The following SEL1L3 variants were observed in gnomAD, a reference collection of about 807,000 sequenced individuals.
The protein encoded by SEL1L3 is protein sel-1 homolog 3.
In SEL1L3, 76 loss-of-function variants were observed where a neutral mutation model predicts 142.8. That is an observed-to-expected ratio of 0.53 (90% CI 0.44 to 0.64). The LOEUF is 0.64. SEL1L3 is among the 30% of genes least tolerant of loss of function. The pLI is 0.00. For missense variants in SEL1L3, 1,262 were observed against 1,381.7 expected, an observed-to-expected ratio of 0.91 and a Z score of 1.37; for synonymous variants, 504 against 519.6, an observed-to-expected ratio of 0.97 and a Z score of 0.41.
At chr4:25,756,862 T>C in intron 23 of SEL1L3, 1 of 1,282,638 alleles carries the variant, frequency 7.8e-7, no homozygotes, top group Non-Finnish European at 1.0e-6. Flanking sequence ...GACTTCATGC[T>C]GCCAGGAGCT....
intron 9 of SEL1L3, 73 bp downstream of exon 9, chr4:25,818,065 A>G: frequency 1.4e-6 from 2 of 1,469,922 alleles, no homozygotes; most frequent in Non-Finnish European, 1.8e-6. Flanking sequence ...ATCACCAAAG[A>G]GGGTGAGTGA....
chr4:25,802,754 T>A (rs1055759039), intron 10 of SEL1L3, among the ~76,000 whole-genome samples: 2 of 152,116 alleles, frequency 1.3e-5, no homozygotes, highest in African/African-American at 4.8e-5. Context: ...GCTAATTTTT[T>A]ATGTTTTTAG....
chr4:25,828,158 C>T (rs1008759998), intron 6 of SEL1L3, among the ~76,000 whole-genome samples: 2 of 152,218 alleles, frequency 1.3e-5, no homozygotes, highest in African/African-American at 4.8e-5. Context: ...GCCACCCGCA[C>T]CCTCTCTTTG....
Position 25,765,352 on chromosome 4 carries a change from G to T in SEL1L3, c.2929C>A (p.Gln977Lys). The T allele has an allele frequency of 6.2e-7, 1 of 1,613,528 alleles. No homozygotes were observed. Among genetic ancestry groups the T allele is most frequent in the Non-Finnish European group, 8.5e-7 (1 of 1,179,530 alleles). ...TGGGAGTCTCCATCCAGGGCGGCTT[G>T]GGCGTACATCTGCACAGACAACTCC... ...DLELSVQMYA[Q>K]AALDGDSQGF... Residue 977 changes from glutamine (Q) to lysine (K), a missense_variant, in exon 20 of 24, where the codon CAA becomes AAA. This residue lies in a region of SEL1L3 where 435 missense variants were observed against 559.2 expected (regional missense o/e 0.78). Transcript: ENST00000399878.
At position 25,755,179 on chromosome 4, in the gene SEL1L3, G is replaced by C. The variant is rs111323010; in HGVS notation, c.3259+2355C>G. Among the ~76,000 whole-genome samples, 1,118 of 152,214 alleles carry C rather than the reference G, an allele frequency of 7.3e-3. 18 individuals carry two copies. Among genetic ancestry groups the C allele is most frequent in the African/African-American group, 0.025 (1,019 of 41,534 alleles). ...GCTCACTGCAGCCTTGAACTTCTGG[G>C]TGCAAAAAATTCTCCTGCCTCAGCC... On this transcript the variant is annotated intron_variant, in intron 23 of 23. Transcript: ENST00000399878.
chr4:25,856,481 A>C (rs1428618318), intron 1 of SEL1L3, among the ~76,000 whole-genome samples: 1 of 152,114 alleles, frequency 6.6e-6, no homozygotes, highest in East Asian at 1.9e-4. Context: ...TTGAGCCCTC[A>C]AATATGTTTA....
At chr4:25,820,597 G>A (rs1333242218) in intron 7 of SEL1L3, among the ~76,000 whole-genome samples, 2 of 152,176 alleles carry the variant, frequency 1.3e-5, no homozygotes, top group African/African-American at 4.8e-5. Context: ...TTCAGTGGGT[G>A]GGAACCTCCA....
chr4:25,776,150 A>G (rs1719606920), intron 17 of SEL1L3, 127 bp downstream of exon 17: 3 of 615,376 alleles, frequency 4.9e-6, no homozygotes, highest in Non-Finnish European at 3.0e-6. Context: ...GATACTCTGA[A>G]TATCATTACT....
the SEL1L3 span, among the ~76,000 whole-genome samples, chr4:25,724,874 A>C: frequency 0.76 from 115,475 of 151,824 alleles, 44,371 homozygotes; most frequent in African/African-American, 0.86. Flanking sequence ...GGGCTGGTGG[A>C]TCAGCATGGG....
At chr4:25,818,066 G>C (rs1224948600) in intron 9 of SEL1L3, 72 bp downstream of exon 9, 4 of 1,476,880 alleles carry the variant, frequency 2.7e-6, no homozygotes, top group Non-Finnish European at 2.8e-6. Flanking sequence ...TCACCAAAGA[G>C]GGTGAGTGAA....
intron 2 of SEL1L3, among the ~76,000 whole-genome samples, chr4:25,844,089 TGCTG>T (rs147927867): frequency 9.7e-4 from 148 of 152,356 alleles, no homozygotes; most frequent in African/African-American, 3.3e-3. Context: ...CCCACATCAG[TGCTG>T]GCTGAGACAG....
the SEL1L3 span, among the ~76,000 whole-genome samples, chr4:25,722,623 G>GT: frequency 8.0e-6 from 1 of 125,118 alleles, no homozygotes; most frequent in Non-Finnish European, 1.5e-5. Context: ...TCCAAAGGAG[G>GT]CTTTTTTTTT....
chr4:25,861,209 G>C (rs1560367946), intron 1 of SEL1L3, among the ~76,000 whole-genome samples: 1 of 152,138 alleles, frequency 6.6e-6, no homozygotes, highest in Admixed American at 6.5e-5. Context: ...CATTTGTTAT[G>C]GCAGTTTTAT....
intron 10 of SEL1L3, among the ~76,000 whole-genome samples, chr4:25,804,112 T>C (rs1713389038): frequency 6.6e-6 from 1 of 152,270 alleles, no homozygotes; most frequent in Non-Finnish European, 1.5e-5. Flanking sequence ...TGAAGCCGTC[T>C]GGTATGGCGT....
At chr4:25,767,854 A>C (rs1017517572) in intron 17 of SEL1L3, 24 bp from the exon 18 acceptor site, 9 of 1,366,654 alleles carry the variant, frequency 6.6e-6, no homozygotes, top group Non-Finnish European at 8.2e-6. Flanking sequence ...ATTAATAATA[A>C]ATTTCATATA....
At chr4:25,754,372 A>G (rs1717813490) in intron 23 of SEL1L3, among the ~76,000 whole-genome samples, 1 of 149,722 alleles carries the variant, frequency 6.7e-6, no homozygotes, top group African/African-American at 2.4e-5. Flanking sequence ...TTTTTGACAC[A>G]GGGTCTCACT....
chr4:25,836,520 T>G (rs1438604383), intron 2 of SEL1L3, among the ~76,000 whole-genome samples: 1 of 151,726 alleles, frequency 6.6e-6, no homozygotes, highest in Non-Finnish European at 1.5e-5. Flanking sequence ...GGCATGGTAG[T>G]GCGTGCCTGT....
chr4:25,765,505 G>C, intron 19 of SEL1L3, 70 bp from the exon 20 acceptor site: 1 of 978,302 alleles, frequency 1.0e-6, no homozygotes, highest in Non-Finnish European at 1.6e-6. Flanking sequence ...AATTATTGGC[G>C]CATTCACATG....
chr4:25,777,735 T>C, intron 16 of SEL1L3: 1 of 440,980 alleles, frequency 2.3e-6, no homozygotes, highest in South Asian at 1.6e-5. Flanking sequence ...ATATACTAAA[T>C]AACAATGATA....
Sources: allele counts gnomAD v4.1 joint callset (sites outside exome capture counted in the v4.1 genomes callset), GRCh38; gene constraint gnomAD v4.1.1; regional missense constraint gnomAD v4.1.1; transcripts MANE v1.5; gene names NCBI Gene and HGNC (gene_info 2026-07-23, HGNC 2026-07-21).